Variants in ERI1 observed in about 807,000 individuals in gnomAD.
ERI1 encodes exoribonuclease 1, also known as 3'-5' exoribonuclease 1.
ERI1 carries 39 observed loss-of-function variants against 39.7 expected under a neutral mutation model. The observed-to-expected ratio is 0.98, with a 90% CI of 0.76 to 1.28. The LOEUF is 1.28. Among genes scored for constraint, ERI1 ranks in the 50% most tolerant of loss-of-function variants. The probability of loss-of-function intolerance (pLI) is 0.00; values close to 1 mark genes in which losing one functional copy is unlikely to be tolerated. For synonymous variants in ERI1, 204 were observed against 149.6 expected (o/e 1.36, Z -2.65); for missense variants, 581 against 416.9 (o/e 1.39, Z -3.43).
At chr8:9,010,619 C>G (rs186991021) in intron 2 of ERI1, among the ~76,000 whole-genome samples, 16 of 152,182 alleles carry the variant, frequency 1.1e-4, no homozygotes, top group African/African-American at 3.4e-4. Flanking sequence ...TTACTTGGCA[C>G]TACACATTAA....
Position 9,074,054 on chromosome 8 carries a change from G to A in ERI1, n.300-42294G>A, listed in dbSNP as rs574805771. ...TCCTGCCTTGGCCTCCCAAAATGCTGGGATTACAGGTGTATAAGCCACCGC... is the reference window on the plus strand; with the variant it reads ...TCCTGCCTTGGCCTCCCAAAATGCTAGGATTACAGGTGTATAAGCCACCGC... On this transcript the variant is annotated intron_variant and non_coding_transcript_variant, in intron 3 of 3. Transcript: ENST00000518663. 1.8e-4 allele frequency among the ~76,000 whole-genome samples: 27 copies of A among 152,138 alleles called. No homozygotes were observed. The South Asian group carries it at 5.2e-3, about 29-fold the overall frequency.
intron 3 of ERI1, among the ~76,000 whole-genome samples, chr8:9,097,665 TCAAA>T (rs1799919226): frequency 1.3e-5 from 1 of 74,878 alleles, no homozygotes; most frequent in Non-Finnish European, 2.6e-5. Context: ...TGACACTCTG[TCAAA>T]AAAAAAAAAA....
intron 4 of ERI1, among the ~76,000 whole-genome samples, chr8:9,016,689 GATTT>G (rs1211156566): frequency 6.6e-6 from 1 of 152,032 alleles, no homozygotes; most frequent in African/African-American, 2.4e-5. Context: ...GGAGATGTTT[GATTT>G]ATTTATTTTT....
At chr8:9,056,040 A>G (rs1214847700) in intron 3 of ERI1, among the ~76,000 whole-genome samples, 2 of 152,190 alleles carry the variant, frequency 1.3e-5, no homozygotes, top group Admixed American at 6.5e-5. Context: ...GAGCTCCAAC[A>G]TTGTTACTTG....
chr8:9,027,274 T>G (rs929027371), intron 6 of ERI1, among the ~76,000 whole-genome samples: 1 of 152,024 alleles, frequency 6.6e-6, no homozygotes, highest in East Asian at 1.9e-4. Flanking sequence ...TTTCATGTGA[T>G]TTTTAGCCAT....
chr8:9,095,303 C>G (rs966488729), intron 3 of ERI1, among the ~76,000 whole-genome samples: 1 of 152,110 alleles, frequency 6.6e-6, no homozygotes, highest in South Asian at 2.1e-4. Context: ...ACCCATCACC[C>G]AAATAGTGAA....
At chr8:9,017,969 T>C (rs7844258) in intron 4 of ERI1, among the ~76,000 whole-genome samples, 6,873 of 152,192 alleles carry the variant, frequency 0.045, 517 homozygotes, top group African/African-American at 0.15. Context: ...GCTTTCAGCT[T>C]AGAAGAGATT....
chr8:9,043,106 T>TG (rs1191368723), intron 3 of ERI1, among the ~76,000 whole-genome samples: 2 of 152,250 alleles, frequency 1.3e-5, no homozygotes, highest in Non-Finnish European at 2.9e-5. Context: ...GAACCATGCT[T>TG]GACTGTGGAA....
chr8:9,095,501 T>C (rs1423331062), intron 3 of ERI1, among the ~76,000 whole-genome samples: 1 of 151,352 alleles, frequency 6.6e-6, no homozygotes, highest in African/African-American at 2.4e-5. Flanking sequence ...GTTGTTTGTT[T>C]GTTTGTTTGT....
rs1798798070 is a variant in ERI1, at chr8:9,064,278, G to C, written n.299+43814G>C. 2.0e-5 allele frequency among the ~76,000 whole-genome samples: 3 copies of C among 152,018 alleles called. No homozygotes were observed. In the South Asian group the frequency reaches 6.3e-4, roughly 32 times the overall value. On this transcript the variant is annotated intron_variant and non_coding_transcript_variant, in intron 3 of 3. Transcript: ENST00000518663. ...CTTGCCCCCCAGAAAAGCAGAGAAG[G>C]GGTGGAGACATGGAGAGAAGGAGTT...
chr8:9,093,504 T>TA (rs1040785856), intron 3 of ERI1, among the ~76,000 whole-genome samples: 22,964 of 124,740 alleles, frequency 0.18, 2,280 homozygotes, highest in African/African-American at 0.28. Context: ...ACCTTGTCTC[T>TA]AAAAAAAAAA....
intron 3 of ERI1, among the ~76,000 whole-genome samples, chr8:9,040,396 G>C (rs1056439968): frequency 3.3e-5 from 5 of 152,182 alleles, no homozygotes; most frequent in African/African-American, 9.6e-5. Flanking sequence ...GGAGGCTTCT[G>C]CTTTGTTCTC....
intron 3 of ERI1, among the ~76,000 whole-genome samples, chr8:9,014,388 G>C (rs1241249175): frequency 1.3e-5 from 2 of 152,016 alleles, no homozygotes; most frequent in Non-Finnish European, 2.9e-5. Flanking sequence ...TAAGAGTGTG[G>C]CCTGTGCCCA....
chr8:9,018,477 T>C (rs1277964357), intron 5 of ERI1, 71 bp downstream of exon 5: 13 of 878,240 alleles, frequency 1.5e-5, no homozygotes, highest in Non-Finnish European at 1.9e-5. Context: ...TTTATCTGAT[T>C]TTTAGAATAA....
At chr8:9,007,249 G>C (rs973164012) in intron 1 of ERI1, among the ~76,000 whole-genome samples, 2 of 152,158 alleles carry the variant, frequency 1.3e-5, no homozygotes, top group African/African-American at 4.8e-5. Context: ...GAAAATGTAA[G>C]TTTTGAAATT....
At chr8:9,063,727 A>C (rs1266615409) in intron 3 of ERI1, among the ~76,000 whole-genome samples, 2 of 152,332 alleles carry the variant, frequency 1.3e-5, no homozygotes, top group South Asian at 4.1e-4. Context: ...TTTTACAACA[A>C]GAATTATTTA....
At chr8:9,004,144 TG>T in intron 1 of ERI1, 12 of 1,289,372 alleles carry the variant, frequency 9.3e-6, no homozygotes, top group Non-Finnish European at 1.2e-5. Context: ...ATGTTCCTTT[TG>T]CCCTGTGTGC....
At chr8:9,015,895 G>T (rs182698929) in intron 3 of ERI1, among the ~76,000 whole-genome samples, 2 of 152,144 alleles carry the variant, frequency 1.3e-5, no homozygotes, top group East Asian at 3.9e-4. Flanking sequence ...GACTATTCAG[G>T]AGTAAATGAG....
chr8:9,056,234 G>A (rs562122998), intron 3 of ERI1, among the ~76,000 whole-genome samples: 4 of 152,340 alleles, frequency 2.6e-5, no homozygotes, highest in African/African-American at 7.2e-5. Context: ...GCGGATTTGG[G>A]ATCAGCTGGA....
Sources: gnomAD v4.1 joint callset for allele counts (sites outside exome capture counted in the v4.1 genomes callset) on GRCh38, gnomAD v4.1.1 for gene constraint, MANE v1.5 for transcripts, NCBI Gene and HGNC (gene_info 2026-07-23, HGNC 2026-07-21) for gene names.